The following CAP1 variants were observed in gnomAD, a reference collection of about 807,000 sequenced individuals.
CAP1 encodes the protein cyclase associated actin cytoskeleton regulatory protein 1.
A neutral mutation model predicts 58.2 loss-of-function variants in CAP1; 11 were observed. The ratio of observed to expected loss-of-function variants is 0.19; its 90% CI spans 0.12 to 0.31. The LOEUF (loss-of-function observed/expected upper bound fraction) is 0.31, where lower values mean the gene tolerates loss of function less well. Among genes scored for constraint, CAP1 ranks in the 10% least tolerant of loss-of-function variants. The pLI is 1.00. For synonymous variants in CAP1, 183 were observed against 213.8 expected (o/e 0.86, Z 1.26); for missense variants, 423 against 587.5 (o/e 0.72, Z 2.89).
intron 2 of CAP1, among the ~76,000 whole-genome samples, chr1:40,059,830 A>G (rs1646773620): frequency 1.3e-5 from 2 of 152,196 alleles, no homozygotes; most frequent in African/African-American, 4.8e-5. Context: ...TTGGAGGATC[A>G]TTTTGTTTAT....
chr1:40,070,826 T>C lies in CAP1; in HGVS notation c.1201-10T>C, dbSNP rs1249034511. On this transcript the variant is annotated splice_polypyrimidine_tract_variant and intron_variant, in intron 11 of 12. Transcript: ENST00000372805. The stretch of plus-strand genomic sequence containing the variant: ...CCACTGGGACTCAGTTCTCTTTGTT[T>C]ACTCTGCAGGTAATGGGTAAAGTGC... 6.2e-7 allele frequency: 1 copy of C among 1,602,790 alleles called. No homozygotes were observed. The highest frequency in any genetic ancestry group is 8.5e-7 in the Non-Finnish European group (1 of 1,175,624).
chr1:40,070,739 G>A, intron 11 of CAP1, 97 bp from the exon 12 acceptor site: 2 of 1,059,144 alleles, frequency 1.9e-6, no homozygotes, highest in Non-Finnish European at 2.8e-6. Context: ...AGCTTTTCAT[G>A]TAGTTGCTGA....
intron 1 of CAP1, among the ~76,000 whole-genome samples, chr1:40,046,480 CA>C (rs77538985): frequency 0.85 from 128,513 of 151,792 alleles, 54,378 homozygotes; most frequent in East Asian, 0.88. Context: ...CAAAACAAAA[CA>C]AAAAAAAACA....
chr1:40,062,773 TTGTGTGTGTGTGTG>T (rs1169359200), intron 4 of CAP1, among the ~76,000 whole-genome samples: 20 of 145,526 alleles, frequency 1.4e-4, no homozygotes, highest in African/African-American at 4.8e-4. Context: ...TCAAAAAACA[TTGTGTGTGTGTGTG>T]TGTGTGTGTG....
chr1:40,045,088 A>T (rs1187551249), intron 1 of CAP1, among the ~76,000 whole-genome samples: 3 of 151,576 alleles, frequency 2.0e-5, no homozygotes, highest in African/African-American at 7.3e-5. Context: ...CTGGCCATAT[A>T]ATTCTTTATT....
rs138262145 is a variant in CAP1 at position 40,042,845 on chromosome 1, G to A, written c.-11+2044G>A. On this transcript the variant is annotated intron_variant, in intron 1 of 12. Coordinates refer to ENST00000372805, the MANE Select transcript of CAP1 (RefSeq NM_006367.4). ...AGATGTGAGCAATATTAAGAAGATA[G>A]AATCCATAGAATTGGAGGCTGATTA... Among the ~76,000 whole-genome samples the A allele has an allele frequency of 1.1e-3, 170 of 152,206 alleles. 1 individual carries two copies. Among genetic ancestry groups the A allele is most frequent in the Non-Finnish European group, 2.0e-3 (136 of 68,004 alleles).
At chr1:40,069,553 C>T (rs1647399508) in intron 8 of CAP1, 137 bp from the exon 9 acceptor site, 1 of 711,294 alleles carries the variant, frequency 1.4e-6, no homozygotes, top group Non-Finnish European at 2.4e-6. Flanking sequence ...AAGTACTTTT[C>T]CAAAACTGCT....
chr1:40,056,758 G>A (rs1191592635), intron 1 of CAP1, among the ~76,000 whole-genome samples: 6 of 151,978 alleles, frequency 3.9e-5, no homozygotes, highest in African/African-American at 1.2e-4. Flanking sequence ...CATGACCACC[G>A]GAAGAATGTA....
chr1:40,056,338 C>T (rs1298195341), intron 1 of CAP1, among the ~76,000 whole-genome samples: 1 of 150,946 alleles, frequency 6.6e-6, no homozygotes, highest in African/African-American at 2.4e-5. Flanking sequence ...ACTCTGTCAC[C>T]CAGGCTGGAG....
In CAP1 at chr1:40,066,269, G is replaced by T. The variant is rs781182764; in HGVS notation, c.579G>T (p.Leu193=). Residue 193 remains leucine, a synonymous_variant, in exon 7 of 13, where the codon CTG becomes CTT. Coordinates refer to ENST00000372805, the MANE Select transcript of CAP1 (RefSeq NM_006367.4). ...VKAYLSIWTE[L]QAYIKEFHTT... is the part of the protein sequence containing the mutation. ...CTTATTTAAGTATATGGACAGAGCT[G>T]CAGGCTTACATTAAGGAGTTCCATA... The T allele has an allele frequency of 1.2e-6, 2 of 1,612,156 alleles. No homozygotes were observed. Among genetic ancestry groups the T allele is most frequent in the East Asian group, 4.5e-5 (2 of 44,860 alleles).
At position 40,059,600 on chromosome 1, in the gene CAP1, TA is replaced by T. The variant is rs1646761242; in HGVS notation, c.112+144del. ...TGTAATTTGTATTGCTGTGAACAGA[TA>T]AGAGAGGAAATGACTTGTACAGGGA... is the stretch of plus-strand genomic sequence containing the variant. On this transcript the variant is annotated intron_variant, in intron 2 of 12. Transcript: ENST00000372805. 3 of 587,684 alleles carry T rather than the reference TA, an allele frequency of 5.1e-6. No individual in the cohort carries two copies. The South Asian group carries it at 6.9e-5, about 13-fold the overall frequency. The allele number at this position is 587,684 out of a possible 1,614,324, so 36.4% of individuals were successfully genotyped here. A position where few individuals can be genotyped will look rare whatever the true frequency, so the allele number is the denominator to read the frequency against.
chr1:40,044,312 T>C (rs1054163366), intron 1 of CAP1, among the ~76,000 whole-genome samples: 1 of 152,124 alleles, frequency 6.6e-6, no homozygotes, highest in Non-Finnish European at 1.5e-5. Flanking sequence ...CTTAAGCAAA[T>C]GCAATGTGTC....
Position 40,064,282 on chromosome 1 carries a change from C to A in CAP1, c.350C>A (p.Thr117Asn). Residue 117 changes from threonine (T) to asparagine (N), a missense_variant, in exon 5 of 13, where the codon ACC (threonine) becomes AAC (asparagine). Transcript: ENST00000372805. ...TCAGAGCAGATCAAAGAAGTGATAACCTTTCGGGAGAAGAACCGAGGCAGC... is the reference window on the plus strand; with the variant it reads ...TCAGAGCAGATCAAAGAAGTGATAAACTTTCGGGAGAAGAACCGAGGCAGC... The part of the protein sequence containing the change: ...PISEQIKEVI[T>N]FREKNRGSKL... The A allele has an allele frequency of 1.2e-6, 2 of 1,614,106 alleles. No homozygotes were observed. The highest frequency in any genetic ancestry group is 1.7e-6 in the Non-Finnish European group (2 of 1,179,974).
At chr1:40,054,017 C>T (rs186850528) in intron 1 of CAP1, among the ~76,000 whole-genome samples, 2 of 152,156 alleles carry the variant, frequency 1.3e-5, no homozygotes, top group East Asian at 3.9e-4. Flanking sequence ...ATTTGAAAGA[C>T]AGGAGGGTTT....
At chr1:40,057,261 G>A (rs1025560704) in intron 1 of CAP1, among the ~76,000 whole-genome samples, 7 of 152,192 alleles carry the variant, frequency 4.6e-5, no homozygotes, top group Non-Finnish European at 1.0e-4. Context: ...AGGTAGCTTA[G>A]GAGTTTATTG....
rs1196092757 is a variant in CAP1, at chr1:40,070,343, T to A, written c.1117+61T>A. 1.2e-5 allele frequency: 20 copies of A among 1,610,744 alleles called. No homozygotes were observed. The East Asian group carries it at 2.9e-4, about 23-fold the overall frequency. ...CCAGAGCCCGAGAAGGCTAATACCATTTTACCTACCCTATCCTTAAAGATT... is the reference window on the plus strand; with the variant it reads ...CCAGAGCCCGAGAAGGCTAATACCAATTTACCTACCCTATCCTTAAAGATT... On this transcript the variant is annotated intron_variant, in intron 10 of 12. Transcript: ENST00000372805.
chr1:40,055,462 C>G (rs944841589), intron 1 of CAP1, among the ~76,000 whole-genome samples: 3 of 152,146 alleles, frequency 2.0e-5, no homozygotes, highest in Admixed American at 1.3e-4. Context: ...ATTACTGTAA[C>G]TAGGGGAGAC....
chr1:40,054,552 T>C (rs1646530054), intron 1 of CAP1, among the ~76,000 whole-genome samples: 1 of 152,208 alleles, frequency 6.6e-6, no homozygotes, highest in Non-Finnish European at 1.5e-5. Context: ...GCTAGTTGCC[T>C]GTTGACTGTT....
intron 1 of CAP1, among the ~76,000 whole-genome samples, chr1:40,054,316 A>G (rs1646517561): frequency 6.6e-6 from 1 of 151,224 alleles, no homozygotes; most frequent in Non-Finnish European, 1.5e-5. Flanking sequence ...TCAGCCTCCC[A>G]AGTAGCTGGG....
Sources: allele counts gnomAD v4.1 joint callset (sites outside exome capture counted in the v4.1 genomes callset), GRCh38; gene constraint gnomAD v4.1.1; transcripts MANE v1.5; gene names NCBI Gene and HGNC (gene_info 2026-07-23, HGNC 2026-07-21).